The following MS4A6E variants were observed in gnomAD, a reference collection of about 807,000 sequenced individuals.
The protein encoded by MS4A6E is membrane spanning 4-domains A6E.
MS4A6E carries 8 observed loss-of-function variants against 13.2 expected under a neutral mutation model. The observed-to-expected ratio is 0.60, with a 90% confidence interval of 0.35 to 1.09. The LOEUF is 1.09. Ranked by LOEUF, MS4A6E falls within the 50% of genes least tolerant of loss-of-function variation. MS4A6E has a pLI of 0.02. For synonymous variants in MS4A6E, 72 were observed against 67.6 expected, an observed-to-expected ratio of 1.06 and a Z score of -0.32; for missense variants, 177 against 171.1, an observed-to-expected ratio of 1.03 and a Z score of -0.19.
At chr11:60,331,002 C>A (rs1373742922) in intron 1 of MS4A6E, among the ~76,000 whole-genome samples, 3 of 152,242 alleles carry the variant, frequency 2.0e-5, no homozygotes, top group Non-Finnish European at 4.4e-5. Context: ...CAGTACCATG[C>A]TGTTTTGGTT....
downstream of MS4A6E, among the ~76,000 whole-genome samples, chr11:60,344,136 T>A (rs1016373082): frequency 6.6e-6 from 1 of 152,186 alleles, no homozygotes; most frequent in African/African-American, 2.4e-5. Context: ...GGAAAGACCA[T>A]CCATACAGCA....
chr11:60,337,556 C>CAAGT (rs986650257), intron 2 of MS4A6E, among the ~76,000 whole-genome samples, 185 bp from the exon 3 acceptor site: 2 of 152,118 alleles, frequency 1.3e-5, no homozygotes, highest in African/African-American at 4.8e-5. Flanking sequence ...TTCATTCAGC[C>CAAGT]AAGTTTTACG....
At chr11:60,346,910 C>A (rs971565698) in intron 4 of MS4A6E, among the ~76,000 whole-genome samples, 1 of 152,182 alleles carries the variant, frequency 6.6e-6, no homozygotes, top group East Asian at 1.9e-4. Flanking sequence ...TCCCTCCATG[C>A]GAGGTCAAAC....
chr11:60,335,626 G>T, intron 2 of MS4A6E: 1 of 453,498 alleles, frequency 2.2e-6, no homozygotes, highest in South Asian at 1.6e-5. Context: ...TTCTAGAATT[G>T]CCTCTGCACT....
chr11:60,337,282 C>G (rs1462893781), intron 2 of MS4A6E, among the ~76,000 whole-genome samples: 1 of 152,184 alleles, frequency 6.6e-6, no homozygotes, highest in Non-Finnish European at 1.5e-5. Flanking sequence ...AAAGTAGTGG[C>G]AAAACCCAAA....
chr11:60,331,831 G>T (rs2085157998), intron 1 of MS4A6E, among the ~76,000 whole-genome samples: 1 of 152,172 alleles, frequency 6.6e-6, no homozygotes, highest in Admixed American at 6.5e-5. Context: ...TCATGAATGG[G>T]ATTGGTGCTC....
At chr11:60,345,399 T>C (rs2085251897), downstream of MS4A6E, among the ~76,000 whole-genome samples, 2 of 152,220 alleles carry the variant, frequency 1.3e-5, no homozygotes, top group South Asian at 4.1e-4. Flanking sequence ...GTTCAGCTAA[T>C]TGACTGCTTG....
downstream of MS4A6E, among the ~76,000 whole-genome samples, chr11:60,342,174 T>A (rs972681837): frequency 4.3e-3 from 138 of 31,778 alleles, 3 homozygotes; most frequent in African/African-American, 0.014. Flanking sequence ...TGTGTGTGTG[T>A]GTGTGAGAGA....
At chr11:60,338,084 A>G (rs2085200703) in intron 3 of MS4A6E, 137 bp downstream of exon 3, 1 of 752,270 alleles carries the variant, frequency 1.3e-6, no homozygotes, top group Admixed American at 2.7e-5. Flanking sequence ...TATGTAAATC[A>G]AAGGGGGGCT....
At chr11:60,348,423 G>C (rs2085265250) in intron 4 of MS4A6E, among the ~76,000 whole-genome samples, 1 of 152,174 alleles carries the variant, frequency 6.6e-6, no homozygotes, top group African/African-American at 2.4e-5. Context: ...GCATTCCCTT[G>C]AGCTATATTC....
intron 3 of MS4A6E, 37 bp downstream of exon 3, chr11:60,337,984 A>G (rs2085200228): frequency 2.5e-6 from 4 of 1,578,548 alleles, no homozygotes; most frequent in Non-Finnish European, 3.5e-6. Flanking sequence ...TAATTTTATG[A>G]GGTTTCTGAA....
chr11:60,342,142 CAAGTGTGT>C (rs1448456599), downstream of MS4A6E, among the ~76,000 whole-genome samples: 2 of 129,542 alleles, frequency 1.5e-5, no homozygotes, highest in African/African-American at 6.3e-5. Context: ...AGAGGATAAA[CAAGTGTGT>C]GTGTGTGTGT....
downstream of MS4A6E, among the ~76,000 whole-genome samples, chr11:60,344,095 A>T (rs1171303042): frequency 6.6e-6 from 1 of 152,208 alleles, no homozygotes; most frequent in Admixed American, 6.5e-5. Context: ...CAACTCAGAG[A>T]TTTCTTAATT....
chr11:60,341,837 C>T (rs1276344821), downstream of MS4A6E, among the ~76,000 whole-genome samples: 2 of 152,086 alleles, frequency 1.3e-5, no homozygotes, highest in Non-Finnish European at 2.9e-5. Context: ...TAGGTCTTCT[C>T]CCTGTCCTTT....
chr11:60,336,607 T>A (rs1186459556), intron 2 of MS4A6E, among the ~76,000 whole-genome samples: 1 of 152,136 alleles, frequency 6.6e-6, no homozygotes, highest in East Asian at 1.9e-4. Context: ...TAGCTTATTC[T>A]AAGAAATATA....
At position 60,331,839 on chromosome 11, in the gene MS4A6E, C is replaced by T. The variant is rs1014340940; in HGVS notation, c.-14-3043C>T. 1.1e-4 allele frequency among the ~76,000 whole-genome samples: 16 copies of T among 152,256 alleles called. No individual in the cohort carries two copies. In the South Asian group the frequency reaches 3.3e-3, roughly 32 times the overall value. On this transcript the variant is annotated intron_variant, in intron 1 of 4. Coordinates refer to ENST00000684409, the MANE Select transcript of MS4A6E (RefSeq NM_139249.4). The stretch of plus-strand genomic sequence containing the variant: ...GGAGTCCTCATGAATGGGATTGGTG[C>T]TCTTATAAAAGAGACCCCACAGAGC...
intron 1 of MS4A6E, among the ~76,000 whole-genome samples, chr11:60,332,031 A>G (rs951883871): frequency 1.3e-5 from 2 of 152,222 alleles, no homozygotes; most frequent in African/African-American, 4.8e-5. Flanking sequence ...CACCTAGATT[A>G]TGGTATTTTT....
At chr11:60,336,600 C>T (rs982527169) in intron 2 of MS4A6E, among the ~76,000 whole-genome samples, 8 of 152,102 alleles carry the variant, frequency 5.3e-5, no homozygotes, top group Admixed American at 6.5e-5. Context: ...ACAAATCTAG[C>T]TTATTCTAAG....
At chr11:60,337,716 T>A (rs752127876) in intron 2 of MS4A6E, 25 bp from the exon 3 acceptor site, 1 of 1,613,504 alleles carries the variant, frequency 6.2e-7, no homozygotes, top group South Asian at 1.1e-5. Flanking sequence ...TTGGGAATGA[T>A]TCTTACCCAG....
Sources: allele counts gnomAD v4.1 joint callset (sites outside exome capture counted in the v4.1 genomes callset), GRCh38; gene constraint gnomAD v4.1.1; transcripts MANE v1.5; gene names NCBI Gene and HGNC (gene_info 2026-07-23, HGNC 2026-07-21).